The following PRRC2B variants were observed in gnomAD, a reference collection of about 807,000 sequenced individuals.
The protein encoded by PRRC2B is protein PRRC2B.
A neutral mutation model predicts 242.3 loss-of-function variants in PRRC2B; 68 were observed. The ratio of observed to expected loss-of-function variants is 0.28; its 90% CI spans 0.23 to 0.34. PRRC2B has a LOEUF of 0.34. Among genes scored for constraint, PRRC2B ranks in the 10% least tolerant of loss-of-function variants. PRRC2B has a pLI of 1.00. For missense variants in PRRC2B, 2,835 were observed against 2,954.8 expected (o/e 0.96, Z 0.94); for synonymous variants, 1,228 against 1,173.6 (o/e 1.05, Z -0.95).
intron 9 of PRRC2B, among the ~76,000 whole-genome samples, chr9:131,454,474 G>C (rs924128374): frequency 6.6e-6 from 1 of 152,130 alleles, no homozygotes; most frequent in Non-Finnish European, 1.5e-5. Context: ...CTGTGGGAGG[G>C]TTAGTCTAAC....
intron 5 of PRRC2B, among the ~76,000 whole-genome samples, chr9:131,443,396 A>G (rs1317888547): frequency 6.6e-6 from 1 of 151,454 alleles, no homozygotes; most frequent in Non-Finnish European, 1.5e-5. Context: ...TCGGCCTCCC[A>G]AAGTGCTGGG....
chr9:131,376,484 T>C (rs1252437880), intron 1 of PRRC2B, among the ~76,000 whole-genome samples: 1 of 151,800 alleles, frequency 6.6e-6, no homozygotes, highest in East Asian at 1.9e-4. Context: ...CCTCATTTAC[T>C]TTTCCTCCAG....
chr9:131,491,353 G>A (rs1342384090), intron 28 of PRRC2B, 72 bp from the exon 29 acceptor site: 8 of 1,424,986 alleles, frequency 5.6e-6, no homozygotes, highest in African/African-American at 1.5e-5. Flanking sequence ...TGCATGTGCG[G>A]TCGCTCTTTG....
At position 131,479,356 on chromosome 9, in the gene PRRC2B, C is replaced by T. The variant is rs1474281147; in HGVS notation, c.4863C>T (p.Ser1621=). ...AAGGTGACGTGACCGTGCCTGGCAGCAGCCTGGGCACTGAGATCTGGGAGA... is the reference window on the plus strand; with the variant it reads ...AAGGTGACGTGACCGTGCCTGGCAGTAGCCTGGGCACTGAGATCTGGGAGA... The part of the protein sequence containing the change: ...LEQGDVTVPG[S]SLGTEIWESS... The change falls in exon 19 of 32, where the codon AGC becomes AGT. Residue 1621 remains serine, a synonymous_variant. Coordinates refer to ENST00000683519, the MANE Select transcript of PRRC2B (RefSeq NM_013318.4). 4.3e-6 allele frequency: 7 copies of T among 1,613,860 alleles called. No individual in the cohort carries two copies.
intron 6 of PRRC2B, 71 bp downstream of exon 6, chr9:131,444,399 A>G (rs1040341296): frequency 1.3e-6 from 2 of 1,508,790 alleles, no homozygotes; most frequent in Admixed American, 2.0e-5. Flanking sequence ...CTGCACTCCT[A>G]AAAGGGTGCT....
Position 131,485,070 on chromosome 9 carries a change from C to A in PRRC2B, c.5688C>A (p.Tyr1896Ter). Residue 1896 changes from tyrosine to a stop codon, truncating the protein, a stop_gained, in exon 25 of 32, where the codon TAC becomes TAA. Coordinates refer to ENST00000683519, the MANE Select transcript of PRRC2B (RefSeq NM_013318.4). LOFTEE classifies it high-confidence loss of function. ...TGGGTGCCTCCAGCGGGGTCAACTA[C>A]AGCTCCTTCGGTGGAGTGTCCATGC... Reference protein sequence around the residue: ...SSVGASSGVNYSSFGGVSMPP... With the variant: ...SSVGASSGVN 6.2e-7 allele frequency: 1 copy of A among 1,607,840 alleles called. No individual in the cohort carries two copies. The highest frequency in any genetic ancestry group is 8.5e-7 in the Non-Finnish European group (1 of 1,177,034).
chr9:131,432,913 C>A lies in PRRC2B; in HGVS notation c.293+119C>A, dbSNP rs912417218. ...TACTGCAGCGCTAGTCTTGCAGTGG[C>A]AGAATTGGAACACTGGGAGATGCAA... On this transcript the variant is annotated intron_variant, in intron 3 of 31. Transcript: ENST00000683519. 4 of 977,118 alleles carry A rather than the reference C, an allele frequency of 4.1e-6. No individual in the cohort carries two copies. In the South Asian group the frequency reaches 6.7e-5, roughly 16 times the overall value. The allele number at this position is 977,118 out of a possible 1,614,324, so 60.5% of individuals were successfully genotyped here.
intron 1 of PRRC2B, among the ~76,000 whole-genome samples, chr9:131,409,250 G>T (rs1027814685): frequency 6.6e-6 from 1 of 152,106 alleles, no homozygotes; most frequent in South Asian, 2.1e-4. Context: ...TCGAACTCCC[G>T]ACCTCAGGTG....
At chr9:131,436,774 A>C in intron 4 of PRRC2B, 52 bp downstream of exon 4, 2 of 1,445,380 alleles carry the variant, frequency 1.4e-6, no homozygotes, top group Non-Finnish European at 1.9e-6. Flanking sequence ...TAGCCCCTAA[A>C]TCTCTTTGTT....
In PRRC2B at chr9:131,394,090, C is replaced by G. The variant is rs934391851; in HGVS notation, c.-225C>G. The G allele has an allele frequency of 8.0e-5, 12 of 149,646 alleles. No homozygotes were observed. The highest frequency in any genetic ancestry group is 1.4e-4 in the Non-Finnish European group (9 of 66,622). The allele number at this position is 149,646 out of a possible 1,614,324, so 9.3% of individuals were successfully genotyped here. A position where few individuals can be genotyped will look rare whatever the true frequency, so the allele number is the denominator to read the frequency against. ...GAGCGCGAGGGAGCGAGCGGCGAGACAGGCGCCGAGGCTCCACCGCGCAGC... is the reference window on the plus strand; with the variant it reads ...GAGCGCGAGGGAGCGAGCGGCGAGAGAGGCGCCGAGGCTCCACCGCGCAGC... On this transcript the variant is annotated 5_prime_UTR_variant, in exon 1 of 32. Transcript: ENST00000683519.
chr9:131,385,085 A>G (rs1175078125), intron 1 of PRRC2B, among the ~76,000 whole-genome samples: 2 of 151,400 alleles, frequency 1.3e-5, no homozygotes, highest in East Asian at 2.0e-4. Context: ...TTGGCTGACT[A>G]TAACCTCTGC....
At chr9:131,424,822 T>G (rs1208658379) in intron 1 of PRRC2B, among the ~76,000 whole-genome samples, 1 of 152,230 alleles carries the variant, frequency 6.6e-6, no homozygotes, top group African/African-American at 2.4e-5. Context: ...TGGAAAACAT[T>G]TCACCTGGAA....
intron 14 of PRRC2B, among the ~76,000 whole-genome samples, chr9:131,471,486 T>C (rs1029525556): frequency 6.6e-6 from 1 of 152,232 alleles, no homozygotes; most frequent in Admixed American, 6.5e-5. Flanking sequence ...ATTTCTAATG[T>C]AGTTGCTCTG....
At chr9:131,412,467 T>TGTGC (rs59335079) in intron 1 of PRRC2B, among the ~76,000 whole-genome samples, 4,275 of 152,218 alleles carry the variant, frequency 0.028, 175 homozygotes, top group African/African-American at 0.095. Flanking sequence ...AGTGCGGGTA[T>TGTGC]GTGCGTGCGT....
At chr9:131,440,268 G>C (rs989489176) in intron 5 of PRRC2B, among the ~76,000 whole-genome samples, 2 of 151,946 alleles carry the variant, frequency 1.3e-5, no homozygotes, top group Non-Finnish European at 2.9e-5. Context: ...CTGGTTCTTT[G>C]GCTTTCCATA....
At chr9:131,488,705 G>GT (rs913703903) in intron 28 of PRRC2B, among the ~76,000 whole-genome samples, 3 of 152,164 alleles carry the variant, frequency 2.0e-5, no homozygotes, top group African/African-American at 7.2e-5. Context: ...TTGTGTAGTT[G>GT]TTGATGCTTC....
intron 1 of PRRC2B, among the ~76,000 whole-genome samples, chr9:131,420,503 T>TCTTTCTTTCTTTTCTTTC (rs1465337298): frequency 1.1e-5 from 1 of 93,814 alleles, no homozygotes; most frequent in African/African-American, 4.3e-5. Flanking sequence ...CTTTTTTTTT[T>TCTTTCTTTCTTTTCTTTC]TTTTTTTGAG....
At chr9:131,495,683 A>G in intron 31 of PRRC2B, 57 bp from the exon 32 acceptor site, 1 of 1,573,690 alleles carries the variant, frequency 6.4e-7, no homozygotes, top group Non-Finnish European at 8.7e-7. Flanking sequence ...GGAACTATGT[A>G]TCCAAACACG....
In PRRC2B at chr9:131,374,708, G is replaced by A. The variant is rs147512190; in HGVS notation, c.-56+977G>A. On this transcript the variant is annotated intron_variant, in intron 1 of 1. Transcript: ENST00000682525. Reference sequence around the variant, plus strand: ...CGTCCAGCTAATTTTTGTATTTTTAGTAGAGACGGGGTTTCTCCATGTTGG... The same window carrying A: ...CGTCCAGCTAATTTTTGTATTTTTAATAGAGACGGGGTTTCTCCATGTTGG... Among the ~76,000 whole-genome samples the A allele has an allele frequency of 3.2e-3, 494 of 152,160 alleles. 1 individual carries two copies. The highest frequency in any genetic ancestry group is 0.011 in the African/African-American group (476 of 41,536).
Sources: allele counts gnomAD v4.1 joint callset (sites outside exome capture counted in the v4.1 genomes callset), GRCh38; gene constraint gnomAD v4.1.1; transcripts MANE v1.5; gene names NCBI Gene and HGNC (gene_info 2026-07-23, HGNC 2026-07-21).